NT5C2: variants seen among roughly 807,000 people sequenced by gnomAD.
NT5C2 encodes cytosolic purine 5'-nucleotidase.
A neutral mutation model predicts 76.1 loss-of-function variants in NT5C2; 58 were observed. That is an observed-to-expected ratio of 0.76 (90% CI 0.62 to 0.95). NT5C2 has a LOEUF of 0.95. Ranked by LOEUF, NT5C2 falls within the 40% of genes least tolerant of loss-of-function variation. NT5C2 has a pLI of 0.00. For synonymous variants in NT5C2, 229 were observed against 237.4 expected (o/e 0.96, Z 0.32); for missense variants, 478 against 690.3 (o/e 0.69, Z 3.45).
At chr10:103,109,309 C>T (rs1306766562) in intron 4 of NT5C2, among the ~76,000 whole-genome samples, 1 of 152,152 alleles carries the variant, frequency 6.6e-6, no homozygotes, top group Non-Finnish European at 1.5e-5. Context: ...GCTATATACA[C>T]TAATAGAGTA....
chr10:103,152,310 A>C (rs1459443563), intron 3 of NT5C2, among the ~76,000 whole-genome samples: 1 of 152,204 alleles, frequency 6.6e-6, no homozygotes, highest in Non-Finnish European at 1.5e-5. Flanking sequence ...ATTTAAAAGA[A>C]ACCTCAAATT....
At chr10:103,147,042 T>C (rs2081592522) in intron 3 of NT5C2, among the ~76,000 whole-genome samples, 1 of 152,254 alleles carries the variant, frequency 6.6e-6, no homozygotes, top group Non-Finnish European at 1.5e-5. Flanking sequence ...GCTTACATTT[T>C]GTGTCTTCAT....
intron 3 of NT5C2, among the ~76,000 whole-genome samples, chr10:103,143,280 C>T (rs1256868573): frequency 1.3e-5 from 2 of 152,208 alleles, no homozygotes; most frequent in African/African-American, 4.8e-5. Context: ...GCTGGGCTCC[C>T]CCATCAGTGA....
chr10:103,175,227 G>A (rs1314208391), intron 2 of NT5C2, among the ~76,000 whole-genome samples: 3 of 152,060 alleles, frequency 2.0e-5, no homozygotes, highest in Non-Finnish European at 4.4e-5. Flanking sequence ...AAATAATTAA[G>A]CATGGCTGCC....
intron 1 of NT5C2, among the ~76,000 whole-genome samples, chr10:103,188,444 C>A (rs1354204871): frequency 1.3e-5 from 2 of 152,104 alleles, no homozygotes; most frequent in East Asian, 3.8e-4. Flanking sequence ...CAAAACCATA[C>A]AATTTACAGA....
intron 3 of NT5C2, among the ~76,000 whole-genome samples, chr10:103,157,812 C>T (rs2083760810): frequency 6.6e-6 from 1 of 152,156 alleles, no homozygotes; most frequent in African/African-American, 2.4e-5. Flanking sequence ...CGGTGGCTCA[C>T]ACCTGTAATC....
intron 3 of NT5C2, among the ~76,000 whole-genome samples, chr10:103,154,116 C>T (rs963039330): frequency 2.0e-5 from 3 of 152,016 alleles, no homozygotes; most frequent in African/African-American, 7.2e-5. Flanking sequence ...TGCCTCCCGA[C>T]CAATATAATG....
rs972487364 is a variant in NT5C2 at position 103,089,648 on chromosome 10, T to A, written c.*24A>T. The A allele has an allele frequency of 1.3e-6, 2 of 1,569,334 alleles. No homozygotes were observed. Among genetic ancestry groups the A allele is most frequent in the Non-Finnish European group, 1.7e-6 (2 of 1,157,784 alleles). On this transcript the variant is annotated 3_prime_UTR_variant, in exon 19 of 19. Coordinates refer to ENST00000404739, the MANE Select transcript of NT5C2 (RefSeq NM_001351169.2). ...GTCCTGCCAGGACTTGTTTAATGGG[T>A]GCTTGGGGTTTTGGTTTTCCTCCTT...
At chr10:103,112,888 C>T (rs1427576547) in intron 4 of NT5C2, among the ~76,000 whole-genome samples, 3 of 152,142 alleles carry the variant, frequency 2.0e-5, no homozygotes, top group Non-Finnish European at 2.9e-5. Flanking sequence ...ACATTTTTCT[C>T]TGAGAAAATT....
rs2071122315 is a variant in NT5C2 at position 103,105,892 on chromosome 10, T to C, written c.294-91A>G. 11 of 842,636 alleles carry C rather than the reference T, an allele frequency of 1.3e-5. No individual in the cohort carries two copies. In the South Asian group the frequency reaches 1.4e-4, roughly 11 times the overall value. The allele number at this position is 842,636 out of a possible 1,614,324, so 52.2% of individuals were successfully genotyped here. ...ATTTAATCATCATGAACCAACCTCA[T>C]TTAATTCAAGCTTTGTACCAACTCA... On this transcript the variant is annotated intron_variant, in intron 5 of 18. Coordinates refer to ENST00000404739, the MANE Select transcript of NT5C2 (RefSeq NM_001351169.2).
intron 3 of NT5C2, among the ~76,000 whole-genome samples, chr10:103,165,545 G>A (rs979400947): frequency 6.7e-6 from 1 of 148,732 alleles, no homozygotes; most frequent in African/African-American, 2.5e-5. Context: ...CTAGTGTCTG[G>A]GATTACAGGC....
In NT5C2 at chr10:103,090,864, TAATA is replaced by T. The variant is rs72105152; in HGVS notation, c.1272+68_1272+71del. ...AGCAGTAGTTGAATGCTAGTCTCTA[TAATA>T]AATCAGGAATGTGAAAAAAGCATTT... On this transcript the variant is annotated intron_variant, in intron 17 of 18. Transcript: ENST00000404739. 0.045 allele frequency: 72,585 copies of T among 1,595,608 alleles called. 1,854 individuals carry two copies. The highest frequency in any genetic ancestry group is 0.051 in the Non-Finnish European group (58,885 of 1,164,324).
chr10:103,101,238 G>A lies in NT5C2; in HGVS notation c.478C>T (p.Pro160Ser), dbSNP rs1387152557. 1 of 1,569,414 alleles carries A rather than the reference G, an allele frequency of 6.4e-7. No individual in the cohort carries two copies. Among genetic ancestry groups the A allele is most frequent in the Non-Finnish European group, 8.8e-7 (1 of 1,139,958 alleles). ...FYILNTLFNL[P>S]ETYLLACLVD... ...AATAAGCATAGAATGAATCTACCTG[G>A]TAGGTTGAATAGTGTGTTCAGAATG... The change falls in exon 7 of 19, where the codon CCA becomes TCA. Residue 160 changes from proline to serine, a missense_variant. Transcript: ENST00000404739.
intron 9 of NT5C2, among the ~76,000 whole-genome samples, chr10:103,099,193 C>T (rs1462846227): frequency 6.6e-6 from 1 of 152,220 alleles, no homozygotes; most frequent in African/African-American, 2.4e-5. Context: ...CCCACTTCAG[C>T]CTCCCAAGTA....
At chr10:103,099,892 A>C (rs755430255) in intron 9 of NT5C2, 34 bp downstream of exon 9, 2 of 1,317,726 alleles carry the variant, frequency 1.5e-6, no homozygotes, top group South Asian at 2.4e-5. Flanking sequence ...TACATGCCAG[A>C]AAGCAAGCAG....
rs2066245911 is a variant in NT5C2 at position 103,089,893 on chromosome 10, T to C, written c.1465A>G (p.Thr489Ala). Reference sequence around the variant, plus strand: ...ATATCTACGTGTGTGTGCTCCACCGTTGATTCATGAGGCATCTAGACAGAA... The same window carrying C: ...ATATCTACGTGTGTGTGCTCCACCGCTGATTCATGAGGCATCTAGACAGAA... The part of the protein sequence containing the change: ...AAHVLMPHES[T>A]VEHTHVDINE... The change falls in exon 19 of 19, where the codon ACG (threonine) becomes GCG (alanine). Residue 489 changes from threonine (T) to alanine (A), a missense_variant. Physicochemically the swap from Thr to Ala is moderately conservative, Grantham distance 58 (BLOSUM62 0). Transcript: ENST00000404739. 3 of 1,604,732 alleles carry C rather than the reference T, an allele frequency of 1.9e-6. No individual in the cohort carries two copies. Among genetic ancestry groups the C allele is most frequent in the East Asian group, 2.2e-5 (1 of 44,730 alleles).
chr10:103,147,489 T>A (rs536983623), intron 3 of NT5C2, among the ~76,000 whole-genome samples: 1 of 152,348 alleles, frequency 6.6e-6, no homozygotes, highest in East Asian at 1.9e-4. Context: ...GCCACAGAAC[T>A]ATGTGACAGT....
intron 3 of NT5C2, among the ~76,000 whole-genome samples, chr10:103,149,768 T>C (rs191855302): frequency 3.3e-5 from 5 of 151,906 alleles, no homozygotes; most frequent in African/African-American, 1.2e-4. Context: ...TGTGCCTATA[T>C]TGGAAGAAAG....
rs79438485 is a variant in NT5C2, at chr10:103,091,643, G to A, written c.1160-28C>T. On this transcript the variant is annotated intron_variant, in intron 15 of 18. Coordinates refer to ENST00000404739, the MANE Select transcript of NT5C2 (RefSeq NM_001351169.2). ...AGTTAAGGTTTGGAAGGAAAAGGAA[G>A]ACATTTTAAATAAATAAGCACCTAG... The A allele has an allele frequency of 0.023, 36,749 of 1,591,986 alleles. 999 individuals are homozygous for A. Among genetic ancestry groups the A allele is most frequent in the South Asian group, 0.11 (10,382 of 90,328 alleles).
Sources: gnomAD v4.1 joint callset for allele counts (sites outside exome capture counted in the v4.1 genomes callset) on GRCh38, gnomAD v4.1.1 for gene constraint, MANE v1.5 for transcripts, NCBI Gene and HGNC (gene_info 2026-07-23, HGNC 2026-07-21) for gene names.